PRDM14: variants seen among roughly 807,000 people sequenced by gnomAD.
PRDM14 encodes PR/SET domain 14.
A neutral mutation model predicts 48.0 loss-of-function variants in PRDM14; 16 were observed. The observed-to-expected ratio is 0.33, with a 90% CI of 0.23 to 0.51. The LOEUF (loss-of-function observed/expected upper bound fraction) is 0.51, where lower values mean the gene tolerates loss of function less well. PRDM14 is among the 20% of genes least tolerant of loss of function. The pLI is 0.97. For synonymous variants in PRDM14, 264 were observed against 276.6 expected, an observed-to-expected ratio of 0.95 and a Z score of 0.45; for missense variants, 566 against 719.6, an observed-to-expected ratio of 0.79 and a Z score of 2.44.
At chr8:70,063,529 C>T (rs370932842) in intron 5 of PRDM14, among the ~76,000 whole-genome samples, 2 of 151,888 alleles carry the variant, frequency 1.3e-5, no homozygotes, top group Admixed American at 6.6e-5. Flanking sequence ...TTCTTTCTTT[C>T]ATTTTTCTTT....
Position 70,069,628 on chromosome 8 carries a change from A to G in PRDM14, c.233T>C (p.Leu78Pro), listed in dbSNP as rs1317459075. The G allele has an allele frequency of 3.8e-6, 6 of 1,575,098 alleles. No homozygotes were observed. The African/African-American group carries it at 6.7e-5, about 18-fold the overall frequency. The change falls in exon 2 of 8, where the codon CTG becomes CCG. Residue 78 changes from leucine (L) to proline (P), a missense_variant. Coordinates refer to ENST00000276594, the MANE Select transcript of PRDM14 (RefSeq NM_024504.4). ...PFPFRMAPPL[L>P]SPGLGLQREP... is the part of the protein sequence containing the mutation. Reference sequence around the variant, plus strand: ...CCTCTGTAGGCCCAGACCCGGGCTCAGCAAGGGAGGCGCCATCCGGAAGGG... The same window carrying G: ...CCTCTGTAGGCCCAGACCCGGGCTCGGCAAGGGAGGCGCCATCCGGAAGGG...
At position 70,069,816 on chromosome 8, in the gene PRDM14, C is replaced by G; in HGVS notation, c.45G>C (p.Val15=). ...RPSEAVPQDK[V]CYPPESSPQN... is the part of the protein sequence containing the mutation. ...GCGGGCTGCTCTCCGGCGGGTAGCA[C>G]ACCTTGTCCTGAGGCACGGCCTCAC... The change falls in exon 2 of 8, where the codon GTG becomes GTC. Residue 15 remains valine, a synonymous_variant. Transcript: ENST00000276594. 5.6e-6 allele frequency: 9 copies of G among 1,609,364 alleles called. No individual in the cohort carries two copies. Among genetic ancestry groups the G allele is most frequent in the Non-Finnish European group, 7.6e-6 (9 of 1,178,462 alleles).
chr8:70,058,401 C>T (rs1585649124), intron 6 of PRDM14, among the ~76,000 whole-genome samples: 1 of 152,154 alleles, frequency 6.6e-6, no homozygotes, highest in African/African-American at 2.4e-5. Context: ...TCCAGGTGGC[C>T]GTGGACACTC....
rs1040334034 is a variant in PRDM14 at position 70,052,183 on chromosome 8, C to T, written c.1610G>A (p.Arg537Gln). 8.1e-6 allele frequency: 13 copies of T among 1,613,706 alleles called. No homozygotes were observed. The highest frequency in any genetic ancestry group is 3.3e-5 in the Admixed American group (2 of 59,992). Residue 537 changes from arginine to glutamine, a missense_variant, in exon 8 of 8, where the codon CGG becomes CAG. Physicochemically the swap from Arg to Gln is conservative, Grantham distance 43. Around this residue, in one of 3 missense-constraint regions of PRDM14, gnomAD observed 126 missense variants for 271.6 expected, o/e 0.46. Transcript: ENST00000276594. Reference protein sequence around the residue: ...ASHAAHDSHVRRSHKEDDGCS... With the variant: ...ASHAAHDSHVQRSHKEDDGCS... ...GCCATCATCCTCCTTGTGTGAACGCCGGACATGGCTGTCATGGGCAGCATG... is the reference window on the plus strand; with the variant it reads ...GCCATCATCCTCCTTGTGTGAACGCTGGACATGGCTGTCATGGGCAGCATG...
Position 70,069,761 on chromosome 8 carries a change from G to A in PRDM14, c.100C>T (p.Pro34Ser), listed in dbSNP as rs755804388. The change falls in exon 2 of 8, where the codon CCG (proline) becomes TCG (serine). Residue 34 changes from proline to serine, a missense_variant. Physicochemically the swap from Pro to Ser is moderately conservative, Grantham distance 74. Transcript: ENST00000276594. ...QNLAAYYTPFPSYGHYRNSLA... is the reference protein window; with the variant it reads ...QNLAAYYTPFSSYGHYRNSLA... ...CTGTTTCTGTAGTGTCCATAGGACG[G>A]GAAAGGCGTGTAGTACGCGGCCAGG... The A allele has an allele frequency of 1.2e-6, 2 of 1,608,780 alleles. No homozygotes were observed. Among genetic ancestry groups the A allele is most frequent in the Non-Finnish European group, 8.5e-7 (1 of 1,178,058 alleles).
chr8:70,069,557 A>G lies in PRDM14; in HGVS notation c.304T>C (p.Tyr102His). The G allele has an allele frequency of 6.2e-7, 1 of 1,608,664 alleles. No individual in the cohort carries two copies. Among genetic ancestry groups the G allele is most frequent in the African/African-American group, 1.3e-5 (1 of 74,934 alleles). ...TCCCTGGGGACGTGGGGAATTGGGT[A>G]CCACGGTGGCAGCTTGCTGTACCAG... ...LPWYSKLPPW[Y>H]PIPHVPREVP... The change falls in exon 2 of 8, where the codon TAC (tyrosine) becomes CAC (histidine). Residue 102 changes from tyrosine to histidine, a missense_variant. Tyr to His is a moderately conservative substitution (Grantham distance 83). This residue lies in a region of PRDM14 where 410 missense variants were observed against 424.6 expected (regional missense o/e 0.97). Coordinates refer to ENST00000276594, the MANE Select transcript of PRDM14 (RefSeq NM_024504.4).
chr8:70,060,524 T>C (rs1271827844), intron 5 of PRDM14, among the ~76,000 whole-genome samples: 3 of 152,254 alleles, frequency 2.0e-5, no homozygotes, highest in Non-Finnish European at 2.9e-5. Context: ...CACATATATA[T>C]TTGTTTAATT....
At position 70,052,071 on chromosome 8, in the gene PRDM14, G is replaced by T. The variant is rs1805395020; in HGVS notation, c.*6C>A. 11 of 1,576,782 alleles carry T rather than the reference G, an allele frequency of 7.0e-6. No individual in the cohort carries two copies. Among genetic ancestry groups the T allele is most frequent in the Non-Finnish European group, 9.5e-6 (11 of 1,155,054 alleles). On this transcript the variant is annotated 3_prime_UTR_variant, in exon 8 of 8. Coordinates refer to ENST00000276594, the MANE Select transcript of PRDM14 (RefSeq NM_024504.4). ...TTACAGGCGTGAGTCATTGTGCCTG[G>T]CAGGGCTAGTAGTCTTCATGAAACT...
Position 70,066,234 on chromosome 8 carries a change from C to T in PRDM14, c.1183+1G>A, listed in dbSNP as rs199708096. On this transcript the variant is annotated splice_donor_variant, in intron 5 of 7. Coordinates refer to ENST00000276594, the MANE Select transcript of PRDM14 (RefSeq NM_024504.4). LOFTEE classifies it high-confidence loss of function. ...TGGGCAAGGCGAGGGTGTGCACTCACCTTCAGAGGGCCCAGATGGCTGCTT... is the reference window on the plus strand; with the variant it reads ...TGGGCAAGGCGAGGGTGTGCACTCATCTTCAGAGGGCCCAGATGGCTGCTT... 1 of 1,612,872 alleles carries T rather than the reference C, an allele frequency of 6.2e-7. No homozygotes were observed.
intron 6 of PRDM14, among the ~76,000 whole-genome samples, chr8:70,056,904 A>C (rs1805482556): frequency 1.3e-5 from 2 of 148,766 alleles, no homozygotes; most frequent in Admixed American, 6.7e-5. Context: ...TCTCACTATC[A>C]CCAGCTTCCT....
intron 6 of PRDM14, among the ~76,000 whole-genome samples, chr8:70,057,400 G>C (rs1805494556): frequency 6.6e-6 from 1 of 151,438 alleles, no homozygotes; most frequent in Admixed American, 6.6e-5. Context: ...CACAGTCTCG[G>C]CTCACTGCAA....
intron 5 of PRDM14, among the ~76,000 whole-genome samples, chr8:70,060,549 C>G (rs947619229): frequency 2.0e-5 from 3 of 152,128 alleles, no homozygotes; most frequent in Admixed American, 6.6e-5. Context: ...TCTGGTCAGT[C>G]CATTCAAATT....
At chr8:70,052,578 T>C (rs768488918) in intron 7 of PRDM14, among the ~76,000 whole-genome samples, 1 of 151,744 alleles carries the variant, frequency 6.6e-6, no homozygotes, top group Non-Finnish European at 1.5e-5. Context: ...AAAAAGCAGA[T>C]TGCAGGCTGG....
rs58440571 is a variant in PRDM14 at position 70,060,093 on chromosome 8, C to CAA, written c.1184-1253_1184-1252dup. 1.8e-3 allele frequency among the ~76,000 whole-genome samples: 183 copies of CAA among 102,578 alleles called. 1 individual carries two copies. The highest frequency in any genetic ancestry group is 5.8e-3 in the East Asian group (20 of 3,446). The allele number at this position is 102,578 out of a possible 152,430, so 67.3% of individuals were successfully genotyped here. ...GGGCAACAACAGCAAAACTCCATCTCAAAAAAAAAAAAAAAAGCATAATTG... is the reference window on the plus strand; with the variant it reads ...GGGCAACAACAGCAAAACTCCATCTCAAAAAAAAAAAAAAAAAAGCATAATTG... On this transcript the variant is annotated intron_variant, in intron 5 of 7. Transcript: ENST00000276594.
At chr8:70,063,606 C>G (rs1054516152) in intron 5 of PRDM14, among the ~76,000 whole-genome samples, 1 of 151,906 alleles carries the variant, frequency 6.6e-6, no homozygotes, top group Non-Finnish European at 1.5e-5. Context: ...TCACTGCAAC[C>G]TCTGCTCCTG....
chr8:70,064,674 G>A (rs144894417), intron 5 of PRDM14, among the ~76,000 whole-genome samples: 17 of 151,842 alleles, frequency 1.1e-4, no homozygotes, highest in East Asian at 7.8e-4. Flanking sequence ...ACAGGGGCCC[G>A]CCACCACGCC....
intron 6 of PRDM14, among the ~76,000 whole-genome samples, chr8:70,056,816 CAAA>C (rs761330044): frequency 4.0e-5 from 3 of 75,374 alleles, no homozygotes; most frequent in Admixed American, 1.7e-4. Context: ...GAGACTGTCT[CAAA>C]AAAAAAAAAA....
intron 5 of PRDM14, 87 bp downstream of exon 5, chr8:70,066,148 A>C: frequency 2.8e-6 from 4 of 1,408,718 alleles, no homozygotes; most frequent in Non-Finnish European, 3.9e-6. Flanking sequence ...TTTAGGAGGG[A>C]GGAGCTGTGC....
intron 5 of PRDM14, 144 bp from the exon 6 acceptor site, chr8:70,058,986 G>C (rs1805525958): frequency 1.5e-6 from 1 of 669,930 alleles, no homozygotes; most frequent in Non-Finnish European, 2.4e-6. Flanking sequence ...ACAGAATCTT[G>C]CTGTATTGCC....
Sources: gnomAD v4.1 joint callset for allele counts (sites outside exome capture counted in the v4.1 genomes callset) on GRCh38, gnomAD v4.1.1 for gene constraint, gnomAD v4.1.1 regional missense constraint, MANE v1.5 for transcripts, NCBI Gene and HGNC (gene_info 2026-07-23, HGNC 2026-07-21) for gene names.